The following NFKB1 variants were observed in gnomAD, a reference collection of about 807,000 sequenced individuals.
The protein encoded by NFKB1 is nuclear factor kappa B subunit 1.
Under a neutral mutation model 105.1 loss-of-function variants are expected in NFKB1, and 9 were observed. The observed-to-expected ratio is 0.09, with a 90% CI of 0.05 to 0.15. The LOEUF is 0.15. Ranked by LOEUF, NFKB1 falls within the 10% of genes least tolerant of loss-of-function variation. The pLI is 1.00. For missense variants in NFKB1, 830 were observed against 1,203.7 expected (o/e 0.69, Z 4.59); for synonymous variants, 440 against 442.2 (o/e 1.00, Z 0.06).
chr4:102,593,210 T>G lies in NFKB1; in HGVS notation c.1067-215T>G, dbSNP rs977625915. ...CTGTTGTAGAGTGGATTTGGGTGTG[T>G]ACTGCTCTGTGGTCTCTCTGGAGCT... On this transcript the variant is annotated intron_variant, in intron 11 of 23. Transcript: ENST00000226574. 15 of 412,706 alleles carry G rather than the reference T, an allele frequency of 3.6e-5. No homozygotes were observed. The Admixed American group carries it at 5.4e-4, about 15-fold the overall frequency. The allele number at this position is 412,706 out of a possible 1,614,324, so 25.6% of individuals were successfully genotyped here. A position where few individuals can be genotyped will look rare whatever the true frequency, so the allele number is the denominator to read the frequency against.
chr4:102,609,703 T>A (rs528687853), intron 19 of NFKB1, among the ~76,000 whole-genome samples: 36 of 151,610 alleles, frequency 2.4e-4, no homozygotes, highest in African/African-American at 8.7e-4. Context: ...AATTTCTCCA[T>A]GGATTACATT....
chr4:102,515,104 A>ATTTTTTTTTTTTT (rs761237095), intron 1 of NFKB1, among the ~76,000 whole-genome samples: 2 of 113,502 alleles, frequency 1.8e-5, no homozygotes, highest in East Asian at 2.6e-4. Context: ...TATTATTATT[A>ATTTTTTTTTTTTT]TTATTTTTTT....
At chr4:102,534,011 C>A in intron 4 of NFKB1, 126 bp downstream of exon 4, 1 of 767,138 alleles carries the variant, frequency 1.3e-6, no homozygotes, top group Non-Finnish European at 2.1e-6. Flanking sequence ...AACAACCTGA[C>A]AAATTATGTA....
intron 11 of NFKB1, among the ~76,000 whole-genome samples, chr4:102,586,728 A>G (rs917450429): frequency 5.3e-5 from 8 of 152,102 alleles, no homozygotes; most frequent in African/African-American, 1.9e-4. Flanking sequence ...AAAATTAGAA[A>G]CCCCTCAGTT....
chr4:102,531,645 G>A (rs1269991722), intron 3 of NFKB1, among the ~76,000 whole-genome samples: 1 of 152,070 alleles, frequency 6.6e-6, no homozygotes, highest in Non-Finnish European at 1.5e-5. Context: ...CAGAAATGTG[G>A]CCAAAAGAAT....
At chr4:102,609,171 GAAAA>G (rs1244668014) in intron 19 of NFKB1, among the ~76,000 whole-genome samples, 1 of 108,472 alleles carries the variant, frequency 9.2e-6, no homozygotes, top group Admixed American at 1.0e-4. Context: ...AAAAAAAAAA[GAAAA>G]AGAAAGAAAC....
chr4:102,516,308 T>C (rs953834693), intron 1 of NFKB1, among the ~76,000 whole-genome samples: 1 of 152,022 alleles, frequency 6.6e-6, no homozygotes, highest in Admixed American at 6.5e-5. Flanking sequence ...AAAAATCAAA[T>C]TTATAAAAAT....
At chr4:102,502,349 C>G (rs1739115389) in intron 1 of NFKB1, among the ~76,000 whole-genome samples, 1 of 150,740 alleles carries the variant, frequency 6.6e-6, no homozygotes, top group Admixed American at 6.6e-5. Context: ...CTCTGTCTCT[C>G]TCTCTCTCCC....
At chr4:102,540,881 C>T (rs230523) in intron 5 of NFKB1, among the ~76,000 whole-genome samples, 106,658 of 151,972 alleles carry the variant, frequency 0.7, 38,191 homozygotes, top group African/African-American at 0.83. Flanking sequence ...AATCCCCTTT[C>T]CCTCTAATGT....
chr4:102,591,534 A>G (rs1726175749), intron 11 of NFKB1, among the ~76,000 whole-genome samples: 1 of 152,150 alleles, frequency 6.6e-6, no homozygotes, highest in South Asian at 2.1e-4. Flanking sequence ...CTTAAGAATT[A>G]TGCCAAATCT....
At chr4:102,606,867 T>A (rs1049750071) in intron 17 of NFKB1, among the ~76,000 whole-genome samples, 170 bp downstream of exon 17, 2 of 152,218 alleles carry the variant, frequency 1.3e-5, no homozygotes, top group Non-Finnish European at 2.9e-5. Context: ...CTAATTTTTT[T>A]AAAGATGATT....
intron 8 of NFKB1, among the ~76,000 whole-genome samples, chr4:102,579,636 C>CA (rs1288717126): frequency 0.043 from 4,548 of 106,126 alleles, 120 homozygotes; most frequent in African/African-American, 0.096. Context: ...GACCCCATCT[C>CA]AAAAAAAAAA....
chr4:102,501,557 C>T lies in NFKB1; in HGVS notation c.-239C>T, dbSNP rs963422279. 7.5e-5 allele frequency: 11 copies of T among 146,718 alleles called. No homozygotes were observed. Among genetic ancestry groups the T allele is most frequent in the African/African-American group, 2.2e-4 (9 of 40,880 alleles). The allele number at this position is 146,718 out of a possible 1,614,324, so 9.1% of individuals were successfully genotyped here. A position where few individuals can be genotyped will look rare whatever the true frequency, so the allele number is the denominator to read the frequency against. On this transcript the variant is annotated 5_prime_UTR_variant, in exon 1 of 24. Coordinates refer to ENST00000226574, the MANE Select transcript of NFKB1 (RefSeq NM_003998.4). The stretch of plus-strand genomic sequence containing the variant: ...AGCCGCCCGGCCAGTAAGGCGGCGC[C>T]GCCGCCCGGCCACCGCGCGCCCTGC...
At chr4:102,609,766 T>C (rs1728224503) in intron 19 of NFKB1, among the ~76,000 whole-genome samples, 2 of 152,200 alleles carry the variant, frequency 1.3e-5, no homozygotes, top group Non-Finnish European at 2.9e-5. Flanking sequence ...AGAAACAGCA[T>C]GAAGATCCTT....
chr4:102,571,832 C>T (rs1178408543), intron 6 of NFKB1, among the ~76,000 whole-genome samples: 3 of 152,136 alleles, frequency 2.0e-5, no homozygotes, highest in Non-Finnish European at 4.4e-5. Context: ...AAAGTCGAAA[C>T]AACAGGTGCT....
At chr4:102,547,331 A>G (rs538707368) in intron 5 of NFKB1, among the ~76,000 whole-genome samples, 1 of 152,334 alleles carries the variant, frequency 6.6e-6, no homozygotes, top group Non-Finnish European at 1.5e-5. Flanking sequence ...AAGAAGGAGT[A>G]AGAGGTGTCT....
chr4:102,518,758 T>G (rs2149106215), intron 1 of NFKB1, among the ~76,000 whole-genome samples: 1 of 152,282 alleles, frequency 6.6e-6, no homozygotes, highest in Non-Finnish European at 1.5e-5. Context: ...TACTGCTGTT[T>G]GTCTGAAGTT....
At chr4:102,533,133 C>T (rs1741407697) in intron 3 of NFKB1, among the ~76,000 whole-genome samples, 1 of 152,030 alleles carries the variant, frequency 6.6e-6, no homozygotes, top group Admixed American at 6.6e-5. Flanking sequence ...TATGATAGCA[C>T]AATATTCAAA....
intron 5 of NFKB1, among the ~76,000 whole-genome samples, chr4:102,544,729 A>G (rs1315925748): frequency 6.6e-6 from 1 of 152,202 alleles, no homozygotes; most frequent in East Asian, 1.9e-4. Flanking sequence ...ATTCAAAGTC[A>G]CTATTATAAA....
Sources: gnomAD v4.1 joint callset for allele counts (sites outside exome capture counted in the v4.1 genomes callset) on GRCh38, gnomAD v4.1.1 for gene constraint, MANE v1.5 for transcripts, NCBI Gene and HGNC (gene_info 2026-07-23, HGNC 2026-07-21) for gene names.